The following ZNF493 variants were observed in gnomAD, a reference collection of about 807,000 sequenced individuals.
The protein encoded by ZNF493 is zinc finger protein 493.
ZNF493 carries 11 observed loss-of-function variants against 12.2 expected under a neutral mutation model. The observed-to-expected ratio is 0.90, with a 90% confidence interval of 0.57 to 1.50. The LOEUF (loss-of-function observed/expected upper bound fraction) is 1.50. Among genes scored for constraint, ZNF493 ranks in the 40% most tolerant of loss-of-function variants. ZNF493 has a pLI of 0.00. For synonymous variants in ZNF493, 286 were observed against 302.6 expected (o/e 0.95, Z 0.57); for missense variants, 950 against 906.6 (o/e 1.05, Z -0.61).
In ZNF493 at chr19:21,408,430, C is replaced by G. The variant is rs2030209719; in HGVS notation, c.253+2574C>G. 13 of 984,566 alleles carry G rather than the reference C, an allele frequency of 1.3e-5. No individual in the cohort carries two copies. The South Asian group carries it at 4.7e-4, about 36-fold the overall frequency. The allele number at this position is 984,566 out of a possible 1,614,324, so 61.0% of individuals were successfully genotyped here. On this transcript the variant is annotated intron_variant, in intron 3 of 3. Coordinates refer to ENST00000392288, the MANE Select transcript of ZNF493 (RefSeq NM_001076678.3). ...AGACGTGAGCCACCACCCCCGGCCA[C>G]TTGTTTCTTTTAAATGCTTATTAAA...
intron 1 of ZNF493, among the ~76,000 whole-genome samples, chr19:21,401,628 T>A (rs2029949341): frequency 1.3e-5 from 2 of 151,798 alleles, no homozygotes; most frequent in Middle Eastern, 3.4e-3. Context: ...TTATTTATTT[T>A]ATTTTATTTT....
At chr19:21,414,163 A>C (rs1050973348) in intron 3 of ZNF493, 1 of 152,230 alleles carries the variant, frequency 6.6e-6, no homozygotes, top group Non-Finnish European at 1.5e-5. Flanking sequence ...CCTGATTGGC[A>C]TGTAGCCCAG....
Position 21,423,578 on chromosome 19 carries a change from A to G in ZNF493, c.919A>G (p.Thr307Ala), listed in dbSNP as rs1052624044. Residue 307 changes from threonine (T) to alanine (A), a missense_variant, in exon 4 of 4, where the codon ACC becomes GCC. Thr to Ala is a moderately conservative substitution (Grantham distance 58). Transcript: ENST00000392288. Reference sequence around the variant, plus strand: ...TGGCAAAACTTTTAACCAATCTTCAACCCTTACTGGACATAAGATAATTCA... The same window carrying G: ...TGGCAAAACTTTTAACCAATCTTCAGCCCTTACTGGACATAAGATAATTCA... ...QYGKTFNQSS[T>A]LTGHKIIHNG... is the part of the protein sequence containing the mutation. 1 of 1,613,420 alleles carries G rather than the reference A, an allele frequency of 6.2e-7. No individual in the cohort carries two copies. The highest frequency in any genetic ancestry group is 8.5e-7 in the Non-Finnish European group (1 of 1,179,774).
chr19:21,405,647 T>G, intron 2 of ZNF493, 114 bp from the exon 3 acceptor site: 1 of 1,110,756 alleles, frequency 9.0e-7, no homozygotes, highest in Non-Finnish European at 1.2e-6. Flanking sequence ...TTAAATAGTA[T>G]TTTGGGATAA....
At chr19:21,417,741 T>G (rs995708627) in intron 3 of ZNF493, among the ~76,000 whole-genome samples, 1 of 152,120 alleles carries the variant, frequency 6.6e-6, no homozygotes, top group Non-Finnish European at 1.5e-5. Context: ...AATTTGAGGA[T>G]GGGCCTGGGT....
At chr19:21,411,521 A>G (rs920079227) in intron 3 of ZNF493, among the ~76,000 whole-genome samples, 1 of 152,074 alleles carries the variant, frequency 6.6e-6, no homozygotes, top group Non-Finnish European at 1.5e-5. Context: ...GGAGTTTGCA[A>G]CCAGCCTGGG....
chr19:21,411,206 G>A (rs957233988), intron 3 of ZNF493, among the ~76,000 whole-genome samples: 8 of 152,116 alleles, frequency 5.3e-5, no homozygotes, highest in Non-Finnish European at 1.0e-4. Flanking sequence ...TATCTTTTCT[G>A]TATCGTGTGC....
chr19:21,402,799 T>A (rs1599729421), intron 1 of ZNF493, among the ~76,000 whole-genome samples: 1 of 152,310 alleles, frequency 6.6e-6, no homozygotes, highest in East Asian at 1.9e-4. Flanking sequence ...AATCTATAAG[T>A]GTAAACAAGC....
chr19:21,404,367 A>G (rs1389433105), intron 1 of ZNF493, among the ~76,000 whole-genome samples: 3 of 152,210 alleles, frequency 2.0e-5, no homozygotes, highest in Admixed American at 2.0e-4. Context: ...GTCCTAATGC[A>G]GTTGATTTTA....
At chr19:21,400,657 C>G (rs1182614336) in intron 1 of ZNF493, among the ~76,000 whole-genome samples, 1 of 152,102 alleles carries the variant, frequency 6.6e-6, no homozygotes, top group African/African-American at 2.4e-5. Flanking sequence ...CCTGCTCACT[C>G]CAGCCATGGA....
intron 3 of ZNF493, among the ~76,000 whole-genome samples, chr19:21,415,077 A>C (rs1161730351): frequency 1.3e-5 from 2 of 152,092 alleles, no homozygotes; most frequent in Non-Finnish European, 2.9e-5. Flanking sequence ...TAGCGATTTG[A>C]TTTAAATAAG....
chr19:21,418,867 C>G (rs1289276714), intron 3 of ZNF493, among the ~76,000 whole-genome samples: 3 of 152,068 alleles, frequency 2.0e-5, no homozygotes, highest in Non-Finnish European at 2.9e-5. Context: ...CTGGGTGGGC[C>G]AGGTGTTCCT....
intron 3 of ZNF493, chr19:21,413,791 T>G (rs1345379604): frequency 3.3e-5 from 8 of 239,838 alleles, no homozygotes; most frequent in Non-Finnish European, 4.8e-5. Flanking sequence ...CTTCTCTCTT[T>G]GCAGCTGGTT....
intron 1 of ZNF493, among the ~76,000 whole-genome samples, chr19:21,399,298 C>G (rs1974223399): frequency 6.6e-6 from 1 of 151,990 alleles, no homozygotes; most frequent in Admixed American, 6.6e-5. Context: ...GTAGCTGGGA[C>G]TACAGGTGCC....
At chr19:21,420,070 C>T (rs1342240951) in intron 3 of ZNF493, among the ~76,000 whole-genome samples, 1 of 151,754 alleles carries the variant, frequency 6.6e-6, no homozygotes, top group Non-Finnish European at 1.5e-5. Context: ...TACACAGGTG[C>T]CTAGAAGACT....
rs761382027 is a variant in ZNF493 at position 21,424,642 on chromosome 19, ATG to A, written c.1986_1987del (p.Cys662TrpfsTer5). The A allele has an allele frequency of 6.2e-6, 10 of 1,613,728 alleles. No individual in the cohort carries two copies. The highest frequency in any genetic ancestry group is 4.0e-5 in the African/African-American group (3 of 74,912). On this transcript the variant is annotated frameshift_variant, in exon 4 of 4. Coordinates refer to ENST00000392288, the MANE Select transcript of ZNF493 (RefSeq NM_001076678.3). LOFTEE classifies it low-confidence loss of function (END_TRUNC). Reference protein sequence around the residue: ...SVQKPYKCEECGKAFSIFSTL... With the variant: ...SVQKPYKCEEXGKAFSIFSTL... ...TACAAAAACCCTACAAATGTGAAGAATGTGGCAAAGCCTTTAGTATATTCTCA... is the reference window on the plus strand; with the variant it reads ...TACAAAAACCCTACAAATGTGAAGAATGGCAAAGCCTTTAGTATATTCTCA...
intron 1 of ZNF493, among the ~76,000 whole-genome samples, chr19:21,399,738 C>G (rs1451849653): frequency 6.6e-6 from 1 of 151,796 alleles, no homozygotes; most frequent in Non-Finnish European, 1.5e-5. Context: ...TGGGTGATTT[C>G]AAACAGAATT....
Position 21,427,437 on chromosome 19 carries a change from C to T in ZNF493, c.*2453C>T, listed in dbSNP as rs1281546053. 2 of 152,290 alleles carry T rather than the reference C, an allele frequency of 1.3e-5. No homozygotes were observed. The highest frequency in any genetic ancestry group is 4.1e-4 in the South Asian group (2 of 4,830). The allele number at this position is 152,290 out of a possible 1,614,324, so 9.4% of individuals were successfully genotyped here. On this transcript the variant is annotated 3_prime_UTR_variant, in exon 4 of 4. Transcript: ENST00000392288. The stretch of plus-strand genomic sequence containing the variant: ...TATATCTCCCAATGCTATCCGTCCC[C>T]CCTCCCCCCAATTGTACTTTTATAT...
chr19:21,401,331 T>G (rs527857398), intron 1 of ZNF493, among the ~76,000 whole-genome samples: 85 of 152,190 alleles, frequency 5.6e-4, no homozygotes, highest in Non-Finnish European at 4.7e-4. Flanking sequence ...AGCTTTTTGA[T>G]GTTCTCCTGG....
Sources: gnomAD v4.1 joint callset for allele counts (sites outside exome capture counted in the v4.1 genomes callset) on GRCh38, gnomAD v4.1.1 for gene constraint, MANE v1.5 for transcripts, NCBI Gene and HGNC (gene_info 2026-07-23, HGNC 2026-07-21) for gene names.